Variants in KIF26B observed in about 807,000 individuals in gnomAD.
KIF26B encodes kinesin-like protein KIF26B.
KIF26B carries 63 observed loss-of-function variants against 151.2 expected under a neutral mutation model. That is an observed-to-expected ratio of 0.42 (90% CI 0.34 to 0.51). KIF26B has a LOEUF of 0.51. KIF26B is among the 20% of genes least tolerant of loss of function. The pLI is 0.07. For missense variants in KIF26B, 2,813 were observed against 2,913.6 expected, an observed-to-expected ratio of 0.97 and a Z score of 0.79; for synonymous variants, 1,357 against 1,262.1, an observed-to-expected ratio of 1.08 and a Z score of -1.59.
chr1:245,200,856 G>A (rs1669286552), intron 2 of KIF26B, among the ~76,000 whole-genome samples: 1 of 152,168 alleles, frequency 6.6e-6, no homozygotes, highest in African/African-American at 2.4e-5. Flanking sequence ...ATGAGTAAAG[G>A]CATAATACTG....
chr1:245,487,554 G>C (rs1328491962), intron 4 of KIF26B, among the ~76,000 whole-genome samples: 1 of 152,118 alleles, frequency 6.6e-6, no homozygotes, highest in African/African-American at 2.4e-5. Context: ...CAAGGGCAAA[G>C]AGTTAAAGGA....
intron 4 of KIF26B, among the ~76,000 whole-genome samples, chr1:245,518,371 G>C (rs1408867742): frequency 6.6e-6 from 1 of 152,104 alleles, no homozygotes; most frequent in East Asian, 1.9e-4. Flanking sequence ...GTCAACCTAC[G>C]CTACTTGTTC....
intron 2 of KIF26B, among the ~76,000 whole-genome samples, chr1:245,303,394 T>C: frequency 6.6e-6 from 1 of 151,482 alleles, no homozygotes; most frequent in Non-Finnish European, 1.5e-5. Context: ...GAGACGGGGT[T>C]TCACCGTGTT....
At position 245,641,620 on chromosome 1, in the gene KIF26B, C is replaced by G. The variant is rs74858888; in HGVS notation, c.2099-4501C>G. ...TTTTGATCAATTCCTCTGATACGCT[C>G]TATTGCATTTTTCATTTCATTTATT... On this transcript the variant is annotated intron_variant, in intron 9 of 14. Transcript: ENST00000407071. 6.4e-3 allele frequency among the ~76,000 whole-genome samples: 974 copies of G among 152,184 alleles called. 5 individuals carry two copies. The highest frequency in any genetic ancestry group is 0.022 in the African/African-American group (924 of 41,532).
intron 2 of KIF26B, among the ~76,000 whole-genome samples, chr1:245,216,631 T>C (rs900362636): frequency 1.6e-4 from 24 of 152,228 alleles, no homozygotes; most frequent in Admixed American, 1.4e-3. Context: ...GTATGCTTTA[T>C]GTTCCCTGGA....
chr1:245,702,327 G>A lies in KIF26B; in HGVS notation c.6179-131G>A. On this transcript the variant is annotated intron_variant, in intron 14 of 14. Coordinates refer to ENST00000407071, the MANE Select transcript of KIF26B (RefSeq NM_018012.4). The surrounding 1 kb of genome is among the most constrained non-coding windows in gnomAD (Gnocchi z 4.1). ...TCAGGCAGGAGGGAACTCTGCAGTG[G>A]CCTAAGGCAAGCGAACTAGACCTTT... 1.1e-6 allele frequency: 1 copy of A among 904,010 alleles called. No individual in the cohort carries two copies. The highest frequency in any genetic ancestry group is 1.7e-6 in the Non-Finnish European group (1 of 582,782). 56.0% of individuals were successfully genotyped at this position (904,010 alleles called of 1,614,324 possible).
At chr1:245,608,718 A>C (rs1188345384) in intron 7 of KIF26B, among the ~76,000 whole-genome samples, 1 of 152,090 alleles carries the variant, frequency 6.6e-6, no homozygotes, top group Admixed American at 6.5e-5. Flanking sequence ...CTCAAGGTAC[A>C]TGGTGATTTA....
chr1:245,447,275 G>C (rs1659269550), intron 4 of KIF26B, among the ~76,000 whole-genome samples: 2 of 152,178 alleles, frequency 1.3e-5, no homozygotes, highest in African/African-American at 4.8e-5. Flanking sequence ...CATGGGTAAT[G>C]GTCTAGTCTT....
At position 245,656,574 on chromosome 1, in the gene KIF26B, C is replaced by T. The variant is rs141875813; in HGVS notation, c.2258+10294C>T. On this transcript the variant is annotated intron_variant, in intron 10 of 14. Coordinates refer to ENST00000407071, the MANE Select transcript of KIF26B (RefSeq NM_018012.4). The stretch of plus-strand genomic sequence containing the variant: ...GCTTTAGGTTGGTCTGGGGACAGTA[C>T]GGAGAGCCCAAGACGCCCTTGGGCA... 2.6e-5 allele frequency among the ~76,000 whole-genome samples: 4 copies of T among 152,332 alleles called. No individual in the cohort carries two copies. The South Asian group carries it at 6.2e-4, about 24-fold the overall frequency.
intron 5 of KIF26B, among the ~76,000 whole-genome samples, chr1:245,600,180 A>C (rs2043378351): frequency 8.1e-6 from 1 of 123,368 alleles, no homozygotes; most frequent in Non-Finnish European, 1.8e-5. Context: ...CTGGGACTAC[A>C]GGCGCCCGCC....
chr1:245,609,671 C>T, intron 8 of KIF26B, 143 bp downstream of exon 8: 1 of 878,498 alleles, frequency 1.1e-6, no homozygotes, highest in Non-Finnish European at 1.6e-6. Context: ...AACTTTATGG[C>T]CTGCAGCTGT....
rs1158975109 is a variant in KIF26B at position 245,243,881 on chromosome 1, AG to A, written c.465+87200del. Among the ~76,000 whole-genome samples the A allele has an allele frequency of 8.2e-3, 3 of 366 alleles. No individual in the cohort carries two copies. The Admixed American group carries it at 0.17, about 20-fold the overall frequency. The allele number at this position is 366 out of a possible 152,430, so 0.2% of individuals were successfully genotyped here. On this transcript the variant is annotated intron_variant, in intron 2 of 14. Coordinates refer to ENST00000407071, the MANE Select transcript of KIF26B (RefSeq NM_018012.4). ...AATAAAAAAGAAGAAAAAGAAAGAAAGGAAAGGAAAGGAAAGGAAAAGAAAG... is the reference window on the plus strand; with the variant it reads ...AATAAAAAAGAAGAAAAAGAAAGAAAGAAAGGAAAGGAAAGGAAAAGAAAG...
At chr1:245,425,684 C>T (rs377213427) in intron 4 of KIF26B, among the ~76,000 whole-genome samples, 22 of 152,220 alleles carry the variant, frequency 1.4e-4, no homozygotes, top group East Asian at 5.8e-4. Flanking sequence ...GGATTACAGG[C>T]GTGAGCCATG....
intron 4 of KIF26B, among the ~76,000 whole-genome samples, chr1:245,431,395 G>A (rs1307417119): frequency 1.4e-5 from 2 of 143,102 alleles, no homozygotes; most frequent in Non-Finnish European, 3.1e-5. Flanking sequence ...CCCAGGCTAG[G>A]GTGCAGTGGT....
rs1338485856 is a variant in KIF26B at position 245,685,715 on chromosome 1, C to G, written c.2732C>G (p.Ala911Gly). ...GDSRPAEAGE[A>G]AAGKSERDCL... ...AGCCGGCCCGCAGAGGCAGGAGAGG[C>G]TGCAGCCGGCAAGTCAGAAAGGGAC... The change falls in exon 12 of 15, where the codon GCT becomes GGT. Residue 911 changes from alanine to glycine, a missense_variant. This residue lies in a region of KIF26B where 2,060 missense variants were observed against 2,088.6 expected (regional missense o/e 0.99). Coordinates refer to ENST00000407071, the MANE Select transcript of KIF26B (RefSeq NM_018012.4). 2 of 1,611,774 alleles carry G rather than the reference C, an allele frequency of 1.2e-6. No individual in the cohort carries two copies. The highest frequency in any genetic ancestry group is 1.7e-6 in the Non-Finnish European group (2 of 1,179,220).
intron 4 of KIF26B, among the ~76,000 whole-genome samples, chr1:245,473,826 A>C (rs990011128): frequency 1.3e-5 from 2 of 151,886 alleles, no homozygotes; most frequent in African/African-American, 2.4e-5. Context: ...GAATCCCTGC[A>C]AAGGGCCAGG....
Position 245,261,467 on chromosome 1 carries a change from TTCTCTCTCTCTCTCTCTCTC to T in KIF26B, c.465+104801_465+104820del, listed in dbSNP as rs376897211. The stretch of plus-strand genomic sequence containing the variant: ...GCTTGCTTGCTTGCTTTTTCTTTCT[TTCTCTCTCTCTCTCTCTCTC>T]TCTCTCTCTCTCTCTCCCTCCCTCC... On this transcript the variant is annotated intron_variant, in intron 2 of 14. Transcript: ENST00000407071. 8.9e-5 allele frequency among the ~76,000 whole-genome samples: 10 copies of T among 112,240 alleles called. 1 individual carries two copies. Among genetic ancestry groups the T allele is most frequent in the Non-Finnish European group, 1.2e-4 (7 of 56,364 alleles). 73.6% of individuals were successfully genotyped at this position (112,240 alleles called of 152,430 possible). A position where few individuals can be genotyped will look rare whatever the true frequency, so the allele number is the denominator to read the frequency against.
At chr1:245,679,158 C>T in intron 10 of KIF26B, among the ~76,000 whole-genome samples, 1 of 152,098 alleles carries the variant, frequency 6.6e-6, no homozygotes, top group Non-Finnish European at 1.5e-5. Flanking sequence ...TACAACCACT[C>T]AACTCTTATT....
rs1458983887 is a variant in KIF26B at position 245,634,495 on chromosome 1, A to G, written c.2099-11626A>G. On this transcript the variant is annotated intron_variant, in intron 9 of 14. Transcript: ENST00000407071. Reference sequence around the variant, plus strand: ...AGATACCTTTTATTAAATTGAGGATATTGCCTTCTACTTATATATTGCTGA... The same window carrying G: ...AGATACCTTTTATTAAATTGAGGATGTTGCCTTCTACTTATATATTGCTGA... Among the ~76,000 whole-genome samples the G allele has an allele frequency of 2.0e-5, 3 of 152,290 alleles. No individual in the cohort carries two copies. In the East Asian group the frequency reaches 5.8e-4, roughly 29 times the overall value.
Sources: allele counts gnomAD v4.1 joint callset (sites outside exome capture counted in the v4.1 genomes callset), GRCh38; gene constraint gnomAD v4.1.1; regional missense constraint gnomAD v4.1.1; non-coding constraint Gnocchi (gnomAD v3.1); transcripts MANE v1.5; gene names NCBI Gene and HGNC (gene_info 2026-07-23, HGNC 2026-07-21).